The following FPGS variants were observed in gnomAD, a reference collection of about 807,000 sequenced individuals.
FPGS encodes the protein folylpolyglutamate synthase.
Under a neutral mutation model 66.5 loss-of-function variants are expected in FPGS, and 53 were observed. That is an observed-to-expected ratio of 0.80 (90% CI 0.64 to 1.00). The LOEUF (loss-of-function observed/expected upper bound fraction) is 1.00, where lower values mean the gene tolerates loss of function less well. Ranked by LOEUF, FPGS falls within the 50% of genes least tolerant of loss-of-function variation. FPGS has a pLI of 0.00. For synonymous variants in FPGS, 348 were observed against 350.9 expected (o/e 0.99, Z 0.09); for missense variants, 702 against 807.7 (o/e 0.87, Z 1.59).
chr9:127,803,271 A>G, intron 1 of FPGS: 1 of 1,241,314 alleles, frequency 8.1e-7, no homozygotes, highest in Non-Finnish European at 1.0e-6. Context: ...TTCGGAGACT[A>G]TAGCGTCCCC....
At chr9:127,804,181 T>TACTG (rs1829718335) in intron 1 of FPGS, 104 bp from the exon 2 acceptor site, 3 of 1,447,560 alleles carry the variant, frequency 2.1e-6, no homozygotes, top group Non-Finnish European at 2.8e-6. Flanking sequence ...GCGGGCCTGG[T>TACTG]ACTGGCCTTG....
At chr9:127,804,939 A>C (rs2131844511) in intron 4 of FPGS, 1 of 487,588 alleles carries the variant, frequency 2.1e-6, no homozygotes, top group Non-Finnish European at 3.7e-6. Flanking sequence ...CCCAGGCTGG[A>C]GTACAATGGC....
rs76383149 is a variant in FPGS, at chr9:127,804,644, C to T, written c.330C>T (p.Thr110=). ...HVTGTKGKGS[T]CAFTECILRS... is the part of the protein sequence containing the mutation. ...ATCCCTTTTCTTTCAAGGGCTCCACCTGTGCCTTCACGGAATGTATCCTCC... is the reference window on the plus strand; with the variant it reads ...ATCCCTTTTCTTTCAAGGGCTCCACTTGTGCCTTCACGGAATGTATCCTCC... Residue 110 remains threonine (T), a synonymous_variant, in exon 4 of 15, where the codon ACC becomes ACT. Coordinates refer to ENST00000373247, the MANE Select transcript of FPGS (RefSeq NM_004957.6). The T allele has an allele frequency of 1.5e-3, 2,368 of 1,614,146 alleles. 6 individuals carry two copies. Among genetic ancestry groups the T allele is most frequent in the Non-Finnish European group, 1.9e-3 (2,223 of 1,180,016 alleles).
At chr9:127,805,042 C>T (rs2131844658) in intron 4 of FPGS, among the ~76,000 whole-genome samples, 1 of 152,164 alleles carries the variant, frequency 6.6e-6, no homozygotes, top group Admixed American at 6.5e-5. Context: ...GCACCTGCCA[C>T]CACACCAGGC....
intron 10 of FPGS, 32 bp downstream of exon 10, chr9:127,808,737 G>C (rs1246261730): frequency 7.7e-6 from 12 of 1,565,618 alleles, no homozygotes; most frequent in Non-Finnish European, 1.0e-5. Context: ...CAGGCAGGTG[G>C]GTGGCACCTG....
chr9:127,803,237 G>A (rs986316496), intron 1 of FPGS, 175 bp downstream of exon 1: 1 of 1,246,874 alleles, frequency 8.0e-7, no homozygotes, highest in Non-Finnish European at 1.0e-6. Context: ...CAGGAAGTTG[G>A]GCCCGGGCCG....
chr9:127,809,641 G>A (rs772863215), intron 11 of FPGS, 43 bp from the exon 12 acceptor site: 2 of 1,545,464 alleles, frequency 1.3e-6, no homozygotes, highest in Non-Finnish European at 1.7e-6. Context: ...TGAGGACGGG[G>A]GTGGGAGAGG....
upstream of FPGS, chr9:127,802,879 G>GGCGTC (rs1829652630): frequency 1.0e-5 from 13 of 1,290,410 alleles, no homozygotes; most frequent in African/African-American, 1.6e-5. Context: ...GGCGGGGCGG[G>GGCGTC]GCGTCTCCCG....
At chr9:127,803,204 A>T in intron 1 of FPGS, 142 bp downstream of exon 1, 288 of 959,796 alleles carry the variant, frequency 3.0e-4, no homozygotes, top group East Asian at 1.2e-3. Flanking sequence ...AACATCCTGG[A>T]GGCTGGGGGT....
chr9:127,809,779 C>G lies in FPGS; in HGVS notation c.1156C>G (p.Gln386Glu). 1.3e-6 allele frequency: 2 copies of G among 1,564,638 alleles called. No individual in the cohort carries two copies. The highest frequency in any genetic ancestry group is 1.7e-6 in the Non-Finnish European group (2 of 1,166,734). ...CGGTGCGCACACCGCCAGCAGCGCG[C>G]AGGCCTGCGTGCGCTGGTTCCGCCA... ...LDGAHTASSA[Q>E]ACVRWFRQAL... The change falls in exon 12 of 15, where the codon CAG becomes GAG. Residue 386 changes from glutamine (Q) to glutamate (E), a missense_variant. Gln to Glu is a conservative substitution (Grantham distance 29). Transcript: ENST00000373247.
intron 11 of FPGS, among the ~76,000 whole-genome samples, 190 bp from the exon 12 acceptor site, chr9:127,809,494 T>G (rs1047578415): frequency 1.2e-4 from 19 of 152,114 alleles, no homozygotes; most frequent in Non-Finnish European, 2.9e-5. Context: ...CCTGAAAGAT[T>G]CCACCAGATG....
intron 11 of FPGS, 110 bp downstream of exon 11, chr9:127,808,999 A>C: frequency 1.2e-6 from 1 of 830,710 alleles, no homozygotes. Context: ...AGACAATTTG[A>C]AGTGGTGCTT....
intron 4 of FPGS, 139 bp from the exon 5 acceptor site, chr9:127,806,834 G>A (rs984536673): frequency 2.3e-5 from 15 of 664,622 alleles, no homozygotes; most frequent in Middle Eastern, 4.0e-4. Flanking sequence ...CAGATAGTCC[G>A]GGGGGATGGG....
At chr9:127,810,488 T>G (rs1830029513) in intron 13 of FPGS, among the ~76,000 whole-genome samples, 1 of 152,032 alleles carries the variant, frequency 6.6e-6, no homozygotes, top group South Asian at 2.1e-4. Flanking sequence ...CTTCTCAGGT[T>G]TGGTTGAAGG....
chr9:127,804,168 C>T, intron 1 of FPGS, 117 bp from the exon 2 acceptor site: 1 of 1,308,366 alleles, frequency 7.6e-7, no homozygotes, highest in South Asian at 1.4e-5. Flanking sequence ...GCTGGCATGG[C>T]AGGCGGGCCT....
intron 14 of FPGS, among the ~76,000 whole-genome samples, 175 bp downstream of exon 14, chr9:127,811,186 A>G (rs182955745): frequency 6.6e-6 from 1 of 152,150 alleles, no homozygotes; most frequent in Non-Finnish European, 1.5e-5. Context: ...ATTTTATTTT[A>G]AAAAATTTTT....
intron 11 of FPGS, 101 bp downstream of exon 11, chr9:127,808,990 G>A: frequency 1.1e-6 from 1 of 936,676 alleles, no homozygotes; most frequent in Non-Finnish European, 1.6e-6. Context: ...GGAGATAAGA[G>A]ACAATTTGAA....
intron 13 of FPGS, 109 bp downstream of exon 13, chr9:127,810,215 A>G (rs1470886592): frequency 9.7e-6 from 9 of 923,732 alleles, no homozygotes; most frequent in Non-Finnish European, 1.5e-5. Context: ...ATTGAGGATT[A>G]GATGTGACAA....
rs73614240 is a variant in FPGS at position 127,808,105 on chromosome 9, C to A, written c.745-129C>A. 14,454 of 704,650 alleles carry A rather than the reference C, an allele frequency of 0.021. 1,424 individuals are homozygous for A. In the African/African-American group the frequency reaches 0.22, roughly 11 times the overall value. The allele number at this position is 704,650 out of a possible 1,614,324, so 43.6% of individuals were successfully genotyped here. On this transcript the variant is annotated intron_variant, in intron 8 of 14. Transcript: ENST00000373247. ...TGGGTGACAGAGTGAGACTTCATCT[C>A]GAAAAAGAAAAGAAAAGAAACATGA...
Sources: gnomAD v4.1 joint callset for allele counts (sites outside exome capture counted in the v4.1 genomes callset) on GRCh38, gnomAD v4.1.1 for gene constraint, MANE v1.5 for transcripts, NCBI Gene and HGNC (gene_info 2026-07-23, HGNC 2026-07-21) for gene names.